OSBPL6: variants seen among roughly 807,000 people sequenced by gnomAD.
OSBPL6 encodes oxysterol binding protein like 6, also known as oxysterol-binding protein-related protein 6.
OSBPL6 carries 49 observed loss-of-function variants against 125.8 expected under a neutral mutation model. That is an observed-to-expected ratio of 0.39 (90% confidence interval 0.31 to 0.49). The LOEUF (loss-of-function observed/expected upper bound fraction) is 0.49. OSBPL6 is among the 20% of genes least tolerant of loss of function. The probability of loss-of-function intolerance (pLI) is 0.88; values close to 1 mark genes in which losing one functional copy is unlikely to be tolerated. For missense variants in OSBPL6, 986 were observed against 1,135.4 expected (o/e 0.87, Z 1.89); for synonymous variants, 394 against 391.8 (o/e 1.01, Z -0.07).
rs746653123 is a variant in OSBPL6 at position 178,395,772 on chromosome 2, TAAA to T, written c.*239_*241del. 20,308 of 233,972 alleles carry T rather than the reference TAAA, an allele frequency of 0.087. 398 individuals carry two copies. The highest frequency in any genetic ancestry group is 0.22 in the African/African-American group (4,714 of 21,370). 14.5% of individuals were successfully genotyped at this position (233,972 alleles called of 1,614,324 possible). ...TCTGTTTTGCTGCAACCATATTCCTTAAAAAAAAAAAAAAAAAAAAAAAAAAAA... is the reference window on the plus strand; with the variant it reads ...TCTGTTTTGCTGCAACCATATTCCTTAAAAAAAAAAAAAAAAAAAAAAAAA... On this transcript the variant is annotated 3_prime_UTR_variant, in exon 25 of 25. Coordinates refer to ENST00000190611, the MANE Select transcript of OSBPL6 (RefSeq NM_032523.4).
At chr2:178,300,658 G>A (rs1574803126) in intron 2 of OSBPL6, among the ~76,000 whole-genome samples, 2 of 152,082 alleles carry the variant, frequency 1.3e-5, no homozygotes. Flanking sequence ...ACAGGGTTTC[G>A]CCATGTTGGC....
intron 1 of OSBPL6, among the ~76,000 whole-genome samples, chr2:178,241,107 G>A (rs1223260688): frequency 6.6e-6 from 1 of 151,678 alleles, no homozygotes; most frequent in Admixed American, 6.6e-5. Context: ...GTGTACTAAT[G>A]CCACTCTGCA....
At chr2:178,315,345 G>C (rs1687642013) in intron 3 of OSBPL6, among the ~76,000 whole-genome samples, 1 of 152,148 alleles carries the variant, frequency 6.6e-6, no homozygotes, top group Admixed American at 6.5e-5. Flanking sequence ...ACTAGAAAGA[G>C]ATTTGTTACC....
chr2:178,393,945 A>G (rs1020163311), intron 23 of OSBPL6, among the ~76,000 whole-genome samples: 10 of 152,230 alleles, frequency 6.6e-5, no homozygotes, highest in African/African-American at 2.4e-4. Context: ...TAATATAGAA[A>G]AGGAACATGG....
intron 1 of OSBPL6, among the ~76,000 whole-genome samples, chr2:178,261,445 G>T (rs1252573215): frequency 2.0e-5 from 3 of 150,164 alleles, no homozygotes; most frequent in Non-Finnish European, 4.4e-5. Flanking sequence ...ACTAAAAAAT[G>T]ATTAGTTAGA....
chr2:178,206,507 A>C (rs991770885), intron 1 of OSBPL6, among the ~76,000 whole-genome samples: 3 of 152,234 alleles, frequency 2.0e-5, no homozygotes. Context: ...AAAGGGATAG[A>C]AAATTTGATT....
intron 2 of OSBPL6, among the ~76,000 whole-genome samples, chr2:178,301,772 C>A (rs1411184386): frequency 2.6e-5 from 4 of 152,138 alleles, no homozygotes; most frequent in Non-Finnish European, 5.9e-5. Context: ...AGAACCATCC[C>A]ATGGTTCTGC....
At chr2:178,303,408 T>C (rs918175620) in intron 2 of OSBPL6, among the ~76,000 whole-genome samples, 1 of 152,178 alleles carries the variant, frequency 6.6e-6, no homozygotes, top group Admixed American at 6.5e-5. Flanking sequence ...GGATTGTTCT[T>C]TTAGGTATTC....
chr2:178,281,108 A>G lies in OSBPL6; in HGVS notation c.-350-3819A>G, dbSNP rs528808996. On this transcript the variant is annotated intron_variant, in intron 1 of 24. Transcript: ENST00000190611. ...AGGCTCATTGAAACCTCTGCCTCCC[A>G]GGTTCAAGCAATTCTGTCTCAGCCT... Among the ~76,000 whole-genome samples the G allele has an allele frequency of 1.3e-3, 188 of 149,658 alleles. 1 individual carries two copies. Among genetic ancestry groups the G allele is most frequent in the African/African-American group, 4.6e-3 (185 of 40,566 alleles).
chr2:178,200,310 G>C (rs529637319), intron 1 of OSBPL6, among the ~76,000 whole-genome samples: 1 of 146,496 alleles, frequency 6.8e-6, no homozygotes, highest in African/African-American at 2.6e-5. Flanking sequence ...CGAGTGCAGC[G>C]GTGCAATCTC....
At chr2:178,395,059 T>C (rs1695731750) in intron 24 of OSBPL6, among the ~76,000 whole-genome samples, 3 of 152,190 alleles carry the variant, frequency 2.0e-5, no homozygotes, top group Admixed American at 1.3e-4. Flanking sequence ...TCCTTGGACA[T>C]GGGCCCAGTA....
At chr2:178,232,545 G>A (rs1468269610) in intron 1 of OSBPL6, among the ~76,000 whole-genome samples, 1 of 152,142 alleles carries the variant, frequency 6.6e-6, no homozygotes, top group East Asian at 1.9e-4. Context: ...AGTCGTGATG[G>A]CTAAATCAAA....
At chr2:178,330,112 T>C (rs1014400033) in intron 5 of OSBPL6, among the ~76,000 whole-genome samples, 1 of 152,218 alleles carries the variant, frequency 6.6e-6, no homozygotes, top group African/African-American at 2.4e-5. Flanking sequence ...ACAATCACTG[T>C]TGCCTTTCAT....
chr2:178,277,875 C>T (rs925784641), intron 1 of OSBPL6, among the ~76,000 whole-genome samples: 2 of 152,182 alleles, frequency 1.3e-5, no homozygotes, highest in Admixed American at 6.5e-5. Context: ...CTAGATCCCC[C>T]TCCATGAAGT....
rs776345540 is a variant in OSBPL6, at chr2:178,387,096, A to C, written c.2113A>C (p.Met705Leu). ...RWKNKFWGKS[M>L]EILPVGTLNV... ...GAAAAACAAGTTCTGGGGGAAGTCG[A>C]TGGAAATCCTGCCTGTTGGAACACT... The change falls in exon 20 of 25, where the codon ATG becomes CTG. Residue 705 changes from methionine to leucine, a missense_variant. Met to Leu is a conservative substitution (Grantham distance 15). Transcript: ENST00000190611. 1 of 1,612,636 alleles carries C rather than the reference A, an allele frequency of 6.2e-7. No individual in the cohort carries two copies. The highest frequency in any genetic ancestry group is 1.3e-5 in the African/African-American group (1 of 74,890).
At chr2:178,310,456 T>A (rs986385330) in intron 3 of OSBPL6, among the ~76,000 whole-genome samples, 1 of 148,338 alleles carries the variant, frequency 6.7e-6, no homozygotes, top group Non-Finnish European at 1.5e-5. Flanking sequence ...CTTGCTCTGT[T>A]GCCCAGACTG....
At chr2:178,281,801 A>AGGGG (rs1031194105) in intron 1 of OSBPL6, among the ~76,000 whole-genome samples, 1 of 4,422 alleles carries the variant, frequency 2.3e-4, no homozygotes, top group South Asian at 6.3e-3. Context: ...GTCTGTGGTG[A>AGGGG]GGGGGGTGGT....
At chr2:178,259,503 A>G (rs921643956) in intron 1 of OSBPL6, among the ~76,000 whole-genome samples, 1 of 102,406 alleles carries the variant, frequency 9.8e-6, no homozygotes, top group Non-Finnish European at 2.0e-5. Flanking sequence ...AGAAATCAGG[A>G]CTCAACAGTC....
At chr2:178,377,915 ACCT>A (rs961659243) in intron 15 of OSBPL6, among the ~76,000 whole-genome samples, 58 of 151,982 alleles carry the variant, frequency 3.8e-4, no homozygotes, top group African/African-American at 1.2e-3. Flanking sequence ...TGTAATCTCC[ACCT>A]CCTGGGTTCA....
Sources: gnomAD v4.1 joint callset for allele counts (sites outside exome capture counted in the v4.1 genomes callset) on GRCh38, gnomAD v4.1.1 for gene constraint, MANE v1.5 for transcripts, NCBI Gene and HGNC (gene_info 2026-07-23, HGNC 2026-07-21) for gene names.